The following NDUFAF7 variants were observed in gnomAD, a reference collection of about 807,000 sequenced individuals.
NDUFAF7 encodes the protein protein arginine methyltransferase NDUFAF7, mitochondrial.
Under a neutral mutation model 47.2 loss-of-function variants are expected in NDUFAF7, and 48 were observed. That is an observed-to-expected ratio of 1.02 (90% confidence interval 0.81 to 1.29). NDUFAF7 has a LOEUF of 1.29. Among genes scored for constraint, NDUFAF7 ranks in the 50% most tolerant of loss-of-function variants. The pLI is 0.00. For synonymous variants in NDUFAF7, 217 were observed against 190.0 expected (o/e 1.14, Z -1.17); for missense variants, 635 against 537.6 (o/e 1.18, Z -1.79).
the NDUFAF7 span, chr2:37,267,357 A>T: frequency 1.8e-6 from 2 of 1,111,096 alleles, no homozygotes; most frequent in Admixed American, 5.0e-5. Context: ...AAAAAAAAAA[A>T]AAAAAGAGAA....
intron 6 of NDUFAF7, among the ~76,000 whole-genome samples, chr2:37,243,558 G>A (rs558797245): frequency 6.6e-6 from 1 of 152,206 alleles, no homozygotes; most frequent in African/African-American, 2.4e-5. Flanking sequence ...CAGCTCTCAT[G>A]ATCCTGTAGT....
rs926936303 is a variant in NDUFAF7 at position 37,237,822 on chromosome 2, G to T, written c.363G>T (p.Val121=). 1 of 1,613,824 alleles carries T rather than the reference G, an allele frequency of 6.2e-7. No individual in the cohort carries two copies. The highest frequency in any genetic ancestry group is 1.1e-5 in the South Asian group (1 of 91,064). Residue 121 remains valine (V), a synonymous_variant, in exon 4 of 10, where the codon GTG becomes GTT. Coordinates refer to ENST00000002125, the MANE Select transcript of NDUFAF7 (RefSeq NM_144736.5). The stretch of plus-strand genomic sequence containing the variant: ...GAAAAAGCACAGCTTTCCAGCTGGT[G>T]GAACTGGGCCCAGGTAGGGGAACCC... The part of the protein sequence containing the change: ...ATGKSTAFQL[V]ELGPGRGTLV...
rs903903013 is a variant in NDUFAF7, at chr2:37,248,236, T to C, written c.1212T>C (p.Phe404=). The C allele has an allele frequency of 1.2e-6, 2 of 1,613,882 alleles. No individual in the cohort carries two copies. Among genetic ancestry groups the C allele is most frequent in the Admixed American group, 1.7e-5 (1 of 59,992 alleles). The change falls in exon 10 of 10, where the codon TTT becomes TTC. Residue 404 remains phenylalanine, a synonymous_variant. Transcript: ENST00000002125. ...AGAAGATGGGAGAGAGATTTAACTT[T>C]TTTGCCTTGCTACCTCATCAGAGAC... ...NPKKMGERFN[F]FALLPHQRLQ...
chr2:37,253,655 G>A (rs887428562), downstream of NDUFAF7, among the ~76,000 whole-genome samples: 4 of 152,104 alleles, frequency 2.6e-5, no homozygotes, highest in African/African-American at 7.2e-5. Context: ...TCTATACAAC[G>A]TGAGGCCTAA....
chr2:37,246,884 G>C (rs1666975341), intron 8 of NDUFAF7, among the ~76,000 whole-genome samples: 1 of 151,940 alleles, frequency 6.6e-6, no homozygotes, highest in South Asian at 2.1e-4. Flanking sequence ...TTTTTTTTAA[G>C]TAATTTCAAC....
downstream of NDUFAF7, chr2:37,256,852 T>C: frequency 1.2e-6 from 2 of 1,614,086 alleles, no homozygotes; most frequent in East Asian, 4.5e-5. Flanking sequence ...GGGCTAAGTA[T>C]GCTGGAGTTC....
intron 6 of NDUFAF7, among the ~76,000 whole-genome samples, chr2:37,243,500 A>G (rs184196758): frequency 9.9e-5 from 15 of 152,260 alleles, no homozygotes; most frequent in Admixed American, 6.5e-4. Flanking sequence ...GAGGAGATTT[A>G]AGATTTGGTG....
At chr2:37,255,774 G>A (rs1451529475), downstream of NDUFAF7, among the ~76,000 whole-genome samples, 1 of 152,214 alleles carries the variant, frequency 6.6e-6, no homozygotes, top group East Asian at 1.9e-4. Flanking sequence ...GGGAGGTCAA[G>A]TTGGGAAGAT....
At chr2:37,267,380 G>T in the NDUFAF7 span, 8 of 1,219,080 alleles carry the variant, frequency 6.6e-6, no homozygotes, top group South Asian at 1.4e-5. Flanking sequence ...AGTTAATTCA[G>T]ATTCTTACCA....
the NDUFAF7 span, chr2:37,259,499 A>G: frequency 2.0e-6 from 2 of 997,650 alleles, no homozygotes; most frequent in South Asian, 1.7e-5. Context: ...TTTAACCAAC[A>G]GTACTTAGTA....
At chr2:37,261,379 C>T in the NDUFAF7 span, among the ~76,000 whole-genome samples, 6 of 152,092 alleles carry the variant, frequency 3.9e-5, no homozygotes, top group Admixed American at 6.5e-5. Flanking sequence ...CCCAGCTACT[C>T]GGGAGGCTGA....
downstream of NDUFAF7, among the ~76,000 whole-genome samples, chr2:37,257,671 GAAAAAAAA>G (rs1164110574): frequency 4.9e-4 from 14 of 28,540 alleles, no homozygotes; most frequent in Non-Finnish European, 8.1e-4. Context: ...TGTCTCAAAA[GAAAAAAAA>G]AAAAAAAAAA....
At chr2:37,254,071 G>T, downstream of NDUFAF7, 1 of 660,812 alleles carries the variant, frequency 1.5e-6, no homozygotes, top group Non-Finnish European at 2.7e-6. Flanking sequence ...CAGAGATTCA[G>T]CCATAGTACA....
rs545602929 is a variant in NDUFAF7 at position 37,234,398 on chromosome 2, T to C, written c.217-1698T>C. ...TGAGCCACTGTGCGCGGCCTAATTA[T>C]ATTTTTTTAATACACTAGTAAAGAA... On this transcript the variant is annotated intron_variant, in intron 2 of 9. Coordinates refer to ENST00000002125, the MANE Select transcript of NDUFAF7 (RefSeq NM_144736.5). Among the ~76,000 whole-genome samples, 70 of 152,016 alleles carry C rather than the reference T, an allele frequency of 4.6e-4. No individual in the cohort carries two copies. In the South Asian group the frequency reaches 0.014, roughly 31 times the overall value.
chr2:37,264,296 A>G, the NDUFAF7 span, among the ~76,000 whole-genome samples: 2 of 152,182 alleles, frequency 1.3e-5, no homozygotes, highest in Non-Finnish European at 2.9e-5. Context: ...TTCCCACATA[A>G]TACATTTATT....
chr2:37,254,159 C>A, downstream of NDUFAF7: 1 of 1,402,696 alleles, frequency 7.1e-7, no homozygotes, highest in Non-Finnish European at 1.0e-6. Context: ...TCAGAGTGAA[C>A]TACTCAAATG....
At chr2:37,235,617 T>G (rs1311231288) in intron 2 of NDUFAF7, among the ~76,000 whole-genome samples, 1 of 149,998 alleles carries the variant, frequency 6.7e-6, no homozygotes, top group Non-Finnish European at 1.5e-5. Context: ...AAAATTTGGG[T>G]AAAGACACCA....
intron 2 of NDUFAF7, among the ~76,000 whole-genome samples, chr2:37,234,842 G>C (rs1255957634): frequency 6.6e-6 from 1 of 152,136 alleles, no homozygotes; most frequent in Non-Finnish European, 1.5e-5. Flanking sequence ...TAGAGGCCAG[G>C]TGGGGATGGG....
In NDUFAF7 at chr2:37,231,686, G is replaced by A. The variant is rs547598163; in HGVS notation, c.-20G>A. 5.2e-5 allele frequency: 84 copies of A among 1,614,092 alleles called. No individual in the cohort carries two copies. Among genetic ancestry groups the A allele is most frequent in the Non-Finnish European group, 6.9e-5 (81 of 1,180,016 alleles). ...TAAGCCCCAGCTCCTGGCGGAGCGAGCTAGCCTGCGAATTTCAGCATGAGT... is the reference window on the plus strand; with the variant it reads ...TAAGCCCCAGCTCCTGGCGGAGCGAACTAGCCTGCGAATTTCAGCATGAGT... On this transcript the variant is annotated 5_prime_UTR_variant, in exon 1 of 10. Transcript: ENST00000002125.
Sources: gnomAD v4.1 joint callset for allele counts (sites outside exome capture counted in the v4.1 genomes callset) on GRCh38, gnomAD v4.1.1 for gene constraint, MANE v1.5 for transcripts, NCBI Gene and HGNC (gene_info 2026-07-23, HGNC 2026-07-21) for gene names.